The following NKAIN2 variants were observed in gnomAD, a reference collection of about 807,000 sequenced individuals.
NKAIN2 encodes sodium/potassium transporting ATPase interacting 2, also known as sodium/potassium-transporting ATPase subunit beta-1-interacting protein 2.
Under a neutral mutation model 32.6 loss-of-function variants are expected in NKAIN2, and 14 were observed. That is an observed-to-expected ratio of 0.43 (90% CI 0.28 to 0.67). The LOEUF is 0.67. Ranked by LOEUF, NKAIN2 falls within the 30% of genes least tolerant of loss-of-function variation. The probability of loss-of-function intolerance (pLI) is 0.17; values close to 1 mark genes in which losing one functional copy is unlikely to be tolerated. For synonymous variants in NKAIN2, 80 were observed against 87.2 expected (o/e 0.92, Z 0.46); for missense variants, 198 against 258.3 (o/e 0.77, Z 1.60).
chr6:123,805,470 T>A (rs1773176317), intron 1 of NKAIN2, among the ~76,000 whole-genome samples: 1 of 152,234 alleles, frequency 6.6e-6, no homozygotes, highest in Non-Finnish European at 1.5e-5. Context: ...AGGATGTTTT[T>A]CTTTCCCCTG....
At chr6:123,944,508 C>T (rs956822295) in intron 1 of NKAIN2, among the ~76,000 whole-genome samples, 7 of 151,982 alleles carry the variant, frequency 4.6e-5, no homozygotes, top group African/African-American at 1.7e-4. Context: ...ATCATGTGCT[C>T]GTGTTTGGAA....
intron 1 of NKAIN2, among the ~76,000 whole-genome samples, chr6:124,102,111 G>A (rs1784914741): frequency 6.6e-6 from 1 of 152,328 alleles, no homozygotes; most frequent in African/African-American, 2.4e-5. Flanking sequence ...CTGAGAGGAG[G>A]GTAGTGGTGG....
At chr6:124,176,313 G>A (rs573828391) in intron 1 of NKAIN2, among the ~76,000 whole-genome samples, 7 of 152,114 alleles carry the variant, frequency 4.6e-5, no homozygotes, top group African/African-American at 1.4e-4. Flanking sequence ...TGTGAAGTAT[G>A]ATTTAAAAAA....
intron 3 of NKAIN2, among the ~76,000 whole-genome samples, chr6:124,486,116 A>G (rs1379803562): frequency 6.6e-6 from 1 of 152,210 alleles, no homozygotes; most frequent in African/African-American, 2.4e-5. Context: ...TAAAGAATAT[A>G]AACTAATACG....
chr6:124,514,344 G>A (rs540869948), intron 3 of NKAIN2, among the ~76,000 whole-genome samples: 4 of 152,224 alleles, frequency 2.6e-5, no homozygotes, highest in East Asian at 1.9e-4. Context: ...TGGATTTCCC[G>A]CTGGGCTATC....
intron 3 of NKAIN2, among the ~76,000 whole-genome samples, chr6:124,405,040 G>T (rs191990114): frequency 1.3e-5 from 2 of 152,272 alleles, no homozygotes; most frequent in African/African-American, 2.4e-5. Flanking sequence ...AATGAATGCC[G>T]TGTACAAACT....
chr6:124,656,971 C>T (rs1175074975), intron 3 of NKAIN2, among the ~76,000 whole-genome samples: 1 of 152,158 alleles, frequency 6.6e-6, no homozygotes, highest in Non-Finnish European at 1.5e-5. Context: ...AAGCTTTTCT[C>T]AACAGGCTTG....
At chr6:124,384,495 T>C (rs1041687682) in intron 3 of NKAIN2, among the ~76,000 whole-genome samples, 1 of 152,170 alleles carries the variant, frequency 6.6e-6, no homozygotes, top group African/African-American at 2.4e-5. Context: ...TTAAATTATG[T>C]GCTTTATCAA....
At chr6:124,709,937 G>A (rs1202314314) in intron 4 of NKAIN2, among the ~76,000 whole-genome samples, 1 of 151,854 alleles carries the variant, frequency 6.6e-6, no homozygotes, top group Admixed American at 6.6e-5. Flanking sequence ...TGTCAATTTT[G>A]GATCTTTCCT....
intron 1 of NKAIN2, among the ~76,000 whole-genome samples, chr6:123,865,575 T>G (rs948268497): frequency 6.6e-6 from 1 of 152,200 alleles, no homozygotes; most frequent in Non-Finnish European, 1.5e-5. Flanking sequence ...TTATTCTATG[T>G]GTAAACTAAA....
chr6:124,535,320 T>G (rs1779675262), intron 3 of NKAIN2, among the ~76,000 whole-genome samples: 1 of 152,236 alleles, frequency 6.6e-6, no homozygotes, highest in African/African-American at 2.4e-5. Context: ...AAAAGACTGG[T>G]TGATTGGCTC....
chr6:124,746,246 G>A (rs1165749222), intron 4 of NKAIN2, among the ~76,000 whole-genome samples: 1 of 151,768 alleles, frequency 6.6e-6, no homozygotes, highest in African/African-American at 2.4e-5. Flanking sequence ...AAGTAAACAT[G>A]TTTTAACATT....
At chr6:123,880,712 A>G (rs1562236268) in intron 1 of NKAIN2, among the ~76,000 whole-genome samples, 1 of 152,196 alleles carries the variant, frequency 6.6e-6, no homozygotes, top group Admixed American at 6.5e-5. Context: ...TGCTTATTTA[A>G]TGTATCTCAA....
intron 4 of NKAIN2, among the ~76,000 whole-genome samples, chr6:124,757,078 T>C (rs1487316448): frequency 1.6e-5 from 2 of 126,418 alleles, no homozygotes; most frequent in Non-Finnish European, 3.5e-5. Context: ...TATTCATTTG[T>C]AATCTTTTCT....
At chr6:124,755,658 G>A (rs1232713966) in intron 4 of NKAIN2, among the ~76,000 whole-genome samples, 1 of 152,144 alleles carries the variant, frequency 6.6e-6, no homozygotes, top group Non-Finnish European at 1.5e-5. Flanking sequence ...GGAACTAAGT[G>A]ATGAGAACAC....
intron 1 of NKAIN2, among the ~76,000 whole-genome samples, chr6:124,028,860 TATATACAC>T (rs1200185638): frequency 1.9e-4 from 9 of 47,502 alleles, no homozygotes; most frequent in Non-Finnish European, 4.9e-4. Context: ...TGTGTGTCTA[TATATACAC>T]ATATATGTAT....
intron 1 of NKAIN2, among the ~76,000 whole-genome samples, chr6:124,125,083 G>A (rs1360572943): frequency 1.3e-5 from 2 of 152,270 alleles, no homozygotes; most frequent in South Asian, 2.1e-4. Flanking sequence ...CTACCTGCTG[G>A]GTTGCCAAGT....
At chr6:124,627,044 T>A (rs1783380210) in intron 3 of NKAIN2, among the ~76,000 whole-genome samples, 1 of 152,050 alleles carries the variant, frequency 6.6e-6, no homozygotes, top group Non-Finnish European at 1.5e-5. Flanking sequence ...ACAAGGTGGG[T>A]GGATAACTTG....
chr6:124,024,369 C>T (rs760933913), intron 1 of NKAIN2, among the ~76,000 whole-genome samples: 1 of 152,020 alleles, frequency 6.6e-6, no homozygotes, highest in South Asian at 2.1e-4. Context: ...GAATGCATAA[C>T]GTGAATTTTA....
Sources: allele counts gnomAD v4.1 joint callset (sites outside exome capture counted in the v4.1 genomes callset), GRCh38; gene constraint gnomAD v4.1.1; transcripts MANE v1.5; gene names NCBI Gene and HGNC (gene_info 2026-07-23, HGNC 2026-07-21).